Variants in UBE2E3 observed in about 807,000 individuals in gnomAD.
The protein encoded by UBE2E3 is ubiquitin-conjugating enzyme E2 E3.
UBE2E3 carries 5 observed loss-of-function variants against 23.6 expected under a neutral mutation model. The observed-to-expected ratio is 0.21, with a 90% CI of 0.11 to 0.44. The LOEUF (loss-of-function observed/expected upper bound fraction) is 0.44, where lower values mean the gene tolerates loss of function less well. UBE2E3 is among the 20% of genes least tolerant of loss of function. UBE2E3 has a pLI of 0.99. For missense variants in UBE2E3, 81 were observed against 249.8 expected (o/e 0.32, Z 4.55); for synonymous variants, 78 against 87.5 (o/e 0.89, Z 0.60).
intron 3 of UBE2E3, among the ~76,000 whole-genome samples, chr2:181,033,224 C>T (rs770899078): frequency 2.5e-4 from 38 of 152,296 alleles, no homozygotes; most frequent in Non-Finnish European, 4.9e-4. Flanking sequence ...ATTGCCAAGA[C>T]AATCCTAAGC....
At chr2:181,042,175 A>G (rs1574213477) in intron 3 of UBE2E3, among the ~76,000 whole-genome samples, 1 of 152,186 alleles carries the variant, frequency 6.6e-6, no homozygotes, top group Non-Finnish European at 1.5e-5. Flanking sequence ...CAGTCATTCT[A>G]AGCTTTCCAG....
intron 3 of UBE2E3, among the ~76,000 whole-genome samples, chr2:180,994,879 A>G (rs1684778586): frequency 2.0e-5 from 3 of 152,226 alleles, no homozygotes; most frequent in Admixed American, 2.0e-4. Context: ...GAATTTATCA[A>G]AACTTACACA....
intron 3 of UBE2E3, among the ~76,000 whole-genome samples, chr2:181,005,669 A>G (rs1207460832): frequency 1.3e-5 from 2 of 152,158 alleles, no homozygotes; most frequent in Admixed American, 1.3e-4. Flanking sequence ...CTTCTGGTTT[A>G]TAATTTCCTG....
intron 3 of UBE2E3, among the ~76,000 whole-genome samples, chr2:180,984,773 G>T (rs1292434287): frequency 6.6e-6 from 1 of 151,936 alleles, no homozygotes; most frequent in Non-Finnish European, 1.5e-5. Flanking sequence ...TAAGATTATT[G>T]GTTGGTATAA....
intron 3 of UBE2E3, among the ~76,000 whole-genome samples, chr2:181,023,463 T>TC (rs762765973): frequency 1.3e-5 from 2 of 152,194 alleles, no homozygotes; most frequent in Non-Finnish European, 2.9e-5. Flanking sequence ...ATTAATGCTT[T>TC]CACCTTTCAT....
chr2:180,983,770 T>C (rs1457935380), intron 2 of UBE2E3, among the ~76,000 whole-genome samples: 2 of 152,230 alleles, frequency 1.3e-5, no homozygotes, highest in African/African-American at 4.8e-5. Flanking sequence ...ATAGATATTA[T>C]ATTCTTTACT....
At chr2:181,001,727 A>G (rs1320851668) in intron 3 of UBE2E3, among the ~76,000 whole-genome samples, 3 of 152,194 alleles carry the variant, frequency 2.0e-5, no homozygotes, top group Non-Finnish European at 2.9e-5. Context: ...ACAGATTAGC[A>G]TATAACCAGT....
intron 3 of UBE2E3, among the ~76,000 whole-genome samples, chr2:181,020,078 T>A (rs1685627384): frequency 6.6e-6 from 1 of 152,222 alleles, no homozygotes; most frequent in African/African-American, 2.4e-5. Flanking sequence ...CTTATCTGTT[T>A]TTGTGGGAAG....
intron 5 of UBE2E3, among the ~76,000 whole-genome samples, chr2:181,062,313 A>G (rs1574230571): frequency 6.6e-6 from 1 of 151,682 alleles, no homozygotes; most frequent in African/African-American, 2.4e-5. Context: ...ACAAAATGGC[A>G]AGTAAGTTTT....
At chr2:180,997,874 C>T (rs1684874314) in intron 3 of UBE2E3, among the ~76,000 whole-genome samples, 1 of 152,050 alleles carries the variant, frequency 6.6e-6, no homozygotes, top group African/African-American at 2.4e-5. Flanking sequence ...TTTTGTGAAG[C>T]CCTTCCTGCA....
chr2:181,018,280 T>C (rs904440800), intron 3 of UBE2E3, among the ~76,000 whole-genome samples: 7 of 152,216 alleles, frequency 4.6e-5, no homozygotes, highest in African/African-American at 1.7e-4. Context: ...GAATGCATTC[T>C]GGTGATGTAC....
At chr2:181,023,508 T>C (rs1015367481) in intron 3 of UBE2E3, among the ~76,000 whole-genome samples, 1 of 152,190 alleles carries the variant, frequency 6.6e-6, no homozygotes, top group Non-Finnish European at 1.5e-5. Flanking sequence ...AAAGGAATCA[T>C]GAATTGCTTT....
chr2:181,032,913 T>G (rs1207916313), intron 3 of UBE2E3, among the ~76,000 whole-genome samples: 1 of 152,084 alleles, frequency 6.6e-6, no homozygotes, highest in Non-Finnish European at 1.5e-5. Context: ...AAATCATGAG[T>G]GAACTCCCAT....
chr2:181,034,568 C>T (rs565779115), intron 3 of UBE2E3, among the ~76,000 whole-genome samples: 58 of 152,124 alleles, frequency 3.8e-4, no homozygotes, highest in Non-Finnish European at 5.4e-4. Flanking sequence ...AGGAGATACA[C>T]CTAATGTAAA....
intron 3 of UBE2E3, among the ~76,000 whole-genome samples, chr2:181,035,091 G>A (rs1020946953): frequency 1.3e-5 from 2 of 152,182 alleles, no homozygotes; most frequent in African/African-American, 4.8e-5. Flanking sequence ...TCACTTAGGT[G>A]CTTTATGGTT....
At position 181,039,494 on chromosome 2, in the gene UBE2E3, G is replaced by A. The variant is rs563080428; in HGVS notation, c.246-18199G>A. ...ATTGTCTTAAGAGTGTACAGGGACT[G>A]GTGTGGTGGCTCACGCCTGTAATCC... On this transcript the variant is annotated intron_variant, in intron 3 of 5. Transcript: ENST00000410062. Among the ~76,000 whole-genome samples the A allele has an allele frequency of 2.6e-5, 4 of 152,186 alleles. No individual in the cohort carries two copies. The South Asian group carries it at 8.3e-4, about 32-fold the overall frequency.
intron 3 of UBE2E3, among the ~76,000 whole-genome samples, chr2:181,021,448 C>T (rs1685671777): frequency 2.8e-5 from 4 of 142,508 alleles, no homozygotes; most frequent in Admixed American, 2.8e-4. Context: ...TTTCTCCCTC[C>T]CTCCCTCTCT....
At chr2:181,048,853 A>C (rs922022345) in intron 3 of UBE2E3, among the ~76,000 whole-genome samples, 14 of 152,118 alleles carry the variant, frequency 9.2e-5, no homozygotes, top group Non-Finnish European at 1.3e-4. Context: ...TTCTCCGCCT[A>C]CTTCACACAT....
intron 3 of UBE2E3, among the ~76,000 whole-genome samples, chr2:181,012,148 G>T (rs1466988213): frequency 1.3e-5 from 2 of 152,148 alleles, no homozygotes; most frequent in African/African-American, 4.8e-5. Flanking sequence ...TTTGTCACTT[G>T]TGATGACATT....
Sources: allele counts gnomAD v4.1 joint callset (sites outside exome capture counted in the v4.1 genomes callset), GRCh38; gene constraint gnomAD v4.1.1; transcripts MANE v1.5; gene names NCBI Gene and HGNC (gene_info 2026-07-23, HGNC 2026-07-21).